Variants in ELP1 observed in about 807,000 individuals in gnomAD.
The protein encoded by ELP1 is elongator complex protein 1.
In ELP1, 131 loss-of-function variants were observed where a neutral mutation model predicts 183.2. That is an observed-to-expected ratio of 0.72 (90% CI 0.62 to 0.83). The LOEUF (loss-of-function observed/expected upper bound fraction) is 0.83. ELP1 is among the 40% of genes least tolerant of loss of function. The probability of loss-of-function intolerance (pLI) is 0.00; values close to 1 mark genes in which losing one functional copy is unlikely to be tolerated. For synonymous variants in ELP1, 555 were observed against 569.0 expected (o/e 0.98, Z 0.35); for missense variants, 1,550 against 1,594.9 (o/e 0.97, Z 0.48).
At chr9:108,881,244 G>A (rs1207414561) in intron 31 of ELP1, among the ~76,000 whole-genome samples, 1 of 152,066 alleles carries the variant, frequency 6.6e-6, no homozygotes, top group Non-Finnish European at 1.5e-5. Context: ...TTTGCTTCCT[G>A]TTTCTCTGCA....
chr9:108,906,598 T>C, intron 13 of ELP1, 113 bp from the exon 14 acceptor site: 1 of 826,590 alleles, frequency 1.2e-6, no homozygotes, highest in Non-Finnish European at 2.0e-6. Context: ...TCCTAATTAT[T>C]TGGAGGGACA....
chr9:108,910,382 C>G (rs900945913), intron 12 of ELP1, among the ~76,000 whole-genome samples: 1 of 152,092 alleles, frequency 6.6e-6, no homozygotes, highest in African/African-American at 2.4e-5. Flanking sequence ...TCTGAGAATT[C>G]AAAAGATATT....
intron 22 of ELP1, 101 bp downstream of exon 22, chr9:108,898,401 C>G: frequency 1.3e-6 from 1 of 779,700 alleles, no homozygotes; most frequent in South Asian, 1.7e-5. Flanking sequence ...TAAAAATGAA[C>G]AGTAAGGAAT....
Position 108,911,131 on chromosome 9 carries a change from C to A in ELP1, c.1239G>T (p.Met413Ile), listed in dbSNP as rs753233448. ...VFRQTVVPPPMCTYQLLFPHP... is the reference protein window; with the variant it reads ...VFRQTVVPPPICTYQLLFPHP... ...GTGGGAACAGCAGTTGGTAGGTGCA[C>A]ATGGGAGGCGGAACCACAGTCTGCC... Residue 413 changes from methionine to isoleucine, a missense_variant, in exon 12 of 37, where the codon ATG becomes ATT. Coordinates refer to ENST00000374647, the MANE Select transcript of ELP1 (RefSeq NM_003640.5). 6.2e-7 allele frequency: 1 copy of A among 1,614,146 alleles called. No homozygotes were observed. The highest frequency in any genetic ancestry group is 8.5e-7 in the Non-Finnish European group (1 of 1,180,012).
Position 108,897,232 on chromosome 9 carries a change from T to A in ELP1, c.2417A>T (p.Tyr806Phe). 1.2e-6 allele frequency: 2 copies of A among 1,614,098 alleles called. No individual in the cohort carries two copies. Among genetic ancestry groups the A allele is most frequent in the South Asian group, 1.1e-5 (1 of 91,058 alleles). ...MYPAPVTSSV[Y>F]LSRDPDGNKI... ...ATTCCCGTCAGGATCCCTGGACAGG[T>A]AGACACTGCTGGTAACTGGTGCAGG... is the stretch of plus-strand genomic sequence containing the variant. Residue 806 changes from tyrosine (Y) to phenylalanine (F), a missense_variant, in exon 23 of 37, where the codon TAC (tyrosine) becomes TTC (phenylalanine). Physicochemically the swap from Tyr to Phe is conservative, Grantham distance 22. Coordinates refer to ENST00000374647, the MANE Select transcript of ELP1 (RefSeq NM_003640.5).
chr9:108,912,319 G>C lies in ELP1; in HGVS notation c.1134C>G (p.Asp378Glu). ...YLAYDWHWTT[D>E]RSVGDNSSDL... is the part of the protein sequence containing the mutation. ...CACTTGAATTATCTCCCACGCTCCG[G>C]TCAGTCGTCCAGTGCCAATCATAGG... Residue 378 changes from aspartate to glutamate, a missense_variant, in exon 11 of 37, where the codon GAC becomes GAG. Transcript: ENST00000374647. 1.2e-6 allele frequency: 2 copies of C among 1,614,132 alleles called. No individual in the cohort carries two copies. The highest frequency in any genetic ancestry group is 1.7e-6 in the Non-Finnish European group (2 of 1,180,028).
chr9:108,870,990 T>G (rs1827431424), intron 36 of ELP1, among the ~76,000 whole-genome samples: 1 of 150,186 alleles, frequency 6.7e-6, no homozygotes, highest in African/African-American at 2.5e-5. Flanking sequence ...TTTTTTTTTT[T>G]TTTGTGCCAG....
chr9:108,900,012 C>T lies in ELP1; in HGVS notation c.2131-117G>A, dbSNP rs576195019. The T allele has an allele frequency of 1.7e-4, 155 of 899,566 alleles. 2 individuals carry two copies. In the Admixed American group the frequency reaches 3.0e-3, roughly 17 times the overall value. 55.7% of individuals were successfully genotyped at this position (899,566 alleles called of 1,614,324 possible). Reference sequence around the variant, plus strand: ...TTACCACAACTCTCTAAAATCAGCACACTTTTAGCAGAATCTTGTTGTTCT... The same window carrying T: ...TTACCACAACTCTCTAAAATCAGCATACTTTTAGCAGAATCTTGTTGTTCT... On this transcript the variant is annotated intron_variant, in intron 19 of 36. Coordinates refer to ENST00000374647, the MANE Select transcript of ELP1 (RefSeq NM_003640.5).
intron 29 of ELP1, among the ~76,000 whole-genome samples, chr9:108,888,597 C>T (rs1828213252): frequency 6.6e-6 from 1 of 152,150 alleles, no homozygotes; most frequent in Non-Finnish European, 1.5e-5. Context: ...ATTTTCAATT[C>T]AATCACCCAA....
At chr9:108,901,919 T>C (rs1828824414) in intron 16 of ELP1, among the ~76,000 whole-genome samples, 1 of 152,156 alleles carries the variant, frequency 6.6e-6, no homozygotes, top group South Asian at 2.1e-4. Flanking sequence ...CATCTCCTTT[T>C]TCCCCTCACT....
rs35125828 is a variant in ELP1 at position 108,927,934 on chromosome 9, C to CA, written c.304-482dup. Among the ~76,000 whole-genome samples, 531 of 149,284 alleles carry CA rather than the reference C, an allele frequency of 3.6e-3. 3 individuals are homozygous for CA. Among genetic ancestry groups the CA allele is most frequent in the Non-Finnish European group, 5.6e-3 (379 of 67,134 alleles). ...GGGAAGTTGGGATGGTTAATAGGTA[C>CA]AAAAAAAAATAGAATAAATAAGACC... On this transcript the variant is annotated intron_variant, in intron 3 of 36. Transcript: ENST00000374647.
chr9:108,900,229 ACTAT>A (rs768046594), intron 19 of ELP1, 27 bp downstream of exon 19: 131 of 1,428,290 alleles, frequency 9.2e-5, no homozygotes, highest in Non-Finnish European at 1.2e-4. Flanking sequence ...TGACAATCAG[ACTAT>A]CTATCTTGTC....
Position 108,926,589 on chromosome 9 carries a change from T to G in ELP1, c.400A>C (p.Ile134Leu). ...GGCTCAAAATCTTTTGTCATCATAA[T>G]CAGGGTCTGTTGACCTTAGAGAAAC... The part of the protein sequence containing the change: ...VLLATGQQTL[I>L]MMTKDFEPIL... Residue 134 changes from isoleucine to leucine, a missense_variant, in exon 5 of 37, where the codon ATT becomes CTT. Physicochemically the swap from Ile to Leu is conservative, Grantham distance 5. Transcript: ENST00000374647. 1 of 1,612,652 alleles carries G rather than the reference T, an allele frequency of 6.2e-7. No homozygotes were observed. Among genetic ancestry groups the G allele is most frequent in the East Asian group, 2.2e-5 (1 of 44,868 alleles).
rs767800484 is a variant in ELP1, at chr9:108,882,164, C to G, written c.3246G>C (p.Leu1082Phe). 7.4e-6 allele frequency: 12 copies of G among 1,613,342 alleles called. No homozygotes were observed. In the African/African-American group the frequency reaches 1.6e-4, roughly 22 times the overall value. ...CAQDYEEAVL[L>F]LLEGAAWEEA... ...CTTCCCAGGCAGCTCCTTCTAACAG[C>G]AAGAGCACAGCTTCTTCATAATCCT... Residue 1082 changes from leucine to phenylalanine, a missense_variant, in exon 30 of 37, where the codon TTG becomes TTC. Physicochemically the swap from Leu to Phe is conservative, Grantham distance 22 (BLOSUM62 0). Coordinates refer to ENST00000374647, the MANE Select transcript of ELP1 (RefSeq NM_003640.5).
chr9:108,888,218 T>C (rs141190239), intron 29 of ELP1, among the ~76,000 whole-genome samples: 1,596 of 152,328 alleles, frequency 0.01, 14 homozygotes, highest in Admixed American at 0.017. Flanking sequence ...CTTTACTGAC[T>C]GATCAGTTTG....
At chr9:108,894,689 C>G (rs191283404) in intron 25 of ELP1, among the ~76,000 whole-genome samples, 2 of 152,290 alleles carry the variant, frequency 1.3e-5, no homozygotes, top group Admixed American at 6.5e-5. Context: ...TAAGTTTCTC[C>G]TAAAAGTCTA....
At chr9:108,919,802 G>T (rs1181349645) in intron 6 of ELP1, among the ~76,000 whole-genome samples, 4 of 152,182 alleles carry the variant, frequency 2.6e-5, no homozygotes, top group African/African-American at 9.7e-5. Context: ...GGTGGTAAAG[G>T]CAGCAGCAGA....
chr9:108,901,298 T>C, intron 18 of ELP1, 127 bp downstream of exon 18: 4 of 719,546 alleles, frequency 5.6e-6, no homozygotes, highest in South Asian at 3.1e-5. Context: ...AAAATAACTC[T>C]AAAGATTTTC....
At chr9:108,930,945 AG>A in intron 2 of ELP1, 51 bp downstream of exon 2, 1 of 1,581,810 alleles carries the variant, frequency 6.3e-7, no homozygotes, top group East Asian at 2.2e-5. Flanking sequence ...ATTTGGAAGA[AG>A]AGAAATCAAG....
Sources: allele counts gnomAD v4.1 joint callset (sites outside exome capture counted in the v4.1 genomes callset), GRCh38; gene constraint gnomAD v4.1.1; transcripts MANE v1.5; gene names NCBI Gene and HGNC (gene_info 2026-07-23, HGNC 2026-07-21).